Variants in PTPN9 observed in about 807,000 individuals in gnomAD.
PTPN9 encodes the protein protein tyrosine phosphatase non-receptor type 9, also known as tyrosine-protein phosphatase non-receptor type 9.
Under a neutral mutation model 69.8 loss-of-function variants are expected in PTPN9, and 26 were observed. The ratio of observed to expected loss-of-function variants is 0.37; its 90% CI spans 0.27 to 0.52. PTPN9 has a LOEUF of 0.52. Ranked by LOEUF, PTPN9 falls within the 20% of genes least tolerant of loss-of-function variation. The probability of loss-of-function intolerance (pLI) is 0.91; values close to 1 mark genes in which losing one functional copy is unlikely to be tolerated. For synonymous variants in PTPN9, 274 were observed against 272.5 expected (o/e 1.01, Z -0.05); for missense variants, 549 against 740.3 (o/e 0.74, Z 3.00).
Position 75,562,791 on chromosome 15 carries a change from CAAAAAAAAAAAAAAA to C in PTPN9, c.63+15908_63+15922del, listed in dbSNP as rs60164759. 6.2e-5 allele frequency among the ~76,000 whole-genome samples: 5 copies of C among 80,056 alleles called. No homozygotes were observed. In the South Asian group the frequency reaches 1.5e-3, roughly 24 times the overall value. The allele number at this position is 80,056 out of a possible 152,430, so 52.5% of individuals were successfully genotyped here. On this transcript the variant is annotated intron_variant, in intron 1 of 12. Transcript: ENST00000618819. ...CTGGATGACAGAGCGAGACTCGTTT[CAAAAAAAAAAAAAAA>C]AAAAAAAAAAGACAATCATCCTAAG...
chr15:75,490,130 G>A (rs1038356428), intron 8 of PTPN9, 78 bp downstream of exon 8: 23 of 1,152,538 alleles, frequency 2.0e-5, no homozygotes, highest in African/African-American at 3.1e-5. Context: ...TCATTCTACC[G>A]AAGTATTAGT....
chr15:75,527,179 T>G lies in PTPN9; in HGVS notation c.146A>C (p.Lys49Thr), dbSNP rs1394582559. ...VSPLSWNVAVKFLMARKFDVL... is the reference protein window; with the variant it reads ...VSPLSWNVAVTFLMARKFDVL... ...ATCAAACTTCCTTGCCATGAGGAAC[T>G]TGACAGCCACATTCCAAGACAGCGG... is the stretch of plus-strand genomic sequence containing the variant. Residue 49 changes from lysine to threonine, a missense_variant, in exon 2 of 13, where the codon AAG becomes ACG. Physicochemically the swap from Lys to Thr is moderately conservative, Grantham distance 78. This residue lies in a region of PTPN9 where 457 missense variants were observed against 661.9 expected (regional missense o/e 0.69). Transcript: ENST00000618819. 1 of 1,614,070 alleles carries G rather than the reference T, an allele frequency of 6.2e-7. No homozygotes were observed. The highest frequency in any genetic ancestry group is 2.2e-5 in the East Asian group (1 of 44,900).
intron 7 of PTPN9, among the ~76,000 whole-genome samples, chr15:75,499,102 G>T (rs2074759202): frequency 6.6e-6 from 1 of 152,142 alleles, no homozygotes. Context: ...AGAGAAAAGG[G>T]AAAGAAAGTC....
At chr15:75,480,623 A>G (rs934195179) in intron 8 of PTPN9, 47 of 1,163,944 alleles carry the variant, frequency 4.0e-5, no homozygotes, top group African/African-American at 5.0e-5. Flanking sequence ...GAGCCGGGAC[A>G]GTCGCGGCGC....
chr15:75,571,638 T>C (rs1180369955), intron 1 of PTPN9, among the ~76,000 whole-genome samples: 1 of 152,074 alleles, frequency 6.6e-6, no homozygotes, highest in East Asian at 1.9e-4. Context: ...GGCTCACGCT[T>C]GTAATCCCAG....
chr15:75,515,461 TTTATG>T (rs2074864951), intron 5 of PTPN9, among the ~76,000 whole-genome samples: 1 of 151,324 alleles, frequency 6.6e-6, no homozygotes, highest in South Asian at 2.1e-4. Context: ...TCTTACACTT[TTTATG>T]TATACAGAGT....
intron 1 of PTPN9, among the ~76,000 whole-genome samples, chr15:75,553,305 C>T (rs1295382711): frequency 2.0e-5 from 3 of 152,140 alleles, no homozygotes; most frequent in Non-Finnish European, 2.9e-5. Flanking sequence ...CAACAGCTTG[C>T]TAAGACTGCC....
chr15:75,469,945 C>A lies in PTPN9; in HGVS notation c.1414G>T (p.Gly472Cys). ...HFQFLSWPDYGVPSSAASLID... is the reference protein window; with the variant it reads ...HFQFLSWPDYCVPSSAASLID... The stretch of plus-strand genomic sequence containing the variant: ...AGGGAAGCTGCTGAGGAAGGGACAC[C>A]ATAGTCTGGCCAGCTCAAGAACTGG... Residue 472 changes from glycine (G) to cysteine (C), a missense_variant, in exon 12 of 13, where the codon GGT (glycine) becomes TGT (cysteine). Coordinates refer to ENST00000618819, the MANE Select transcript of PTPN9 (RefSeq NM_002833.4). 2 of 1,614,152 alleles carry A rather than the reference C, an allele frequency of 1.2e-6. No homozygotes were observed. The highest frequency in any genetic ancestry group is 1.7e-6 in the Non-Finnish European group (2 of 1,179,986).
intron 4 of PTPN9, among the ~76,000 whole-genome samples, chr15:75,518,234 G>A (rs1017691884): frequency 1.3e-5 from 2 of 151,986 alleles, no homozygotes; most frequent in Non-Finnish European, 2.9e-5. Flanking sequence ...AGCTACTTGG[G>A]AGGCTCAGGT....
chr15:75,533,571 G>A (rs573641072), intron 1 of PTPN9, among the ~76,000 whole-genome samples: 1 of 152,146 alleles, frequency 6.6e-6, no homozygotes, highest in East Asian at 1.9e-4. Context: ...TCAAGGGTAA[G>A]ATTTGTTCCT....
chr15:75,531,595 TC>T (rs1444128061), intron 1 of PTPN9, among the ~76,000 whole-genome samples: 1 of 151,842 alleles, frequency 6.6e-6, no homozygotes, highest in East Asian at 1.9e-4. Flanking sequence ...TTTTTTTTTT[TC>T]TTTTGAGACA....
At chr15:75,492,611 A>C (rs1407987041) in intron 7 of PTPN9, among the ~76,000 whole-genome samples, 4 of 152,252 alleles carry the variant, frequency 2.6e-5, no homozygotes, top group Non-Finnish European at 5.9e-5. Flanking sequence ...TGGATAAAGT[A>C]AACAGCATCA....
chr15:75,483,099 C>T (rs2074653566), intron 8 of PTPN9, among the ~76,000 whole-genome samples: 1 of 152,172 alleles, frequency 6.6e-6, no homozygotes, highest in Non-Finnish European at 1.5e-5. Flanking sequence ...CTGAAACCCT[C>T]ATACATGTGT....
At chr15:75,526,831 AG>A (rs2074930080) in intron 2 of PTPN9, among the ~76,000 whole-genome samples, 1 of 152,184 alleles carries the variant, frequency 6.6e-6, no homozygotes. Flanking sequence ...AACTCTAGGA[AG>A]GGTGAACCCC....
intron 1 of PTPN9, among the ~76,000 whole-genome samples, chr15:75,532,558 A>T (rs1046875874): frequency 3.3e-5 from 5 of 152,184 alleles, no homozygotes; most frequent in Non-Finnish European, 4.4e-5. Flanking sequence ...GTAGCTCCCA[A>T]GAGCTGTTGC....
At position 75,468,633 on chromosome 15, in the gene PTPN9, G is replaced by T. The variant is rs569651376; in HGVS notation, c.*136C>A. The T allele has an allele frequency of 1.3e-6, 1 of 741,856 alleles. No individual in the cohort carries two copies. Among genetic ancestry groups the T allele is most frequent in the Non-Finnish European group, 2.3e-6 (1 of 440,340 alleles). 46.0% of individuals were successfully genotyped at this position (741,856 alleles called of 1,614,324 possible). A position where few individuals can be genotyped will look rare whatever the true frequency, so the allele number is the denominator to read the frequency against. On this transcript the variant is annotated 3_prime_UTR_variant, in exon 13 of 13. Transcript: ENST00000618819. ...TAGCCAAAGGGAAAGGCTGCCTTGCGTGCACACGTGTGCTGGGAGACACAA... is the reference window on the plus strand; with the variant it reads ...TAGCCAAAGGGAAAGGCTGCCTTGCTTGCACACGTGTGCTGGGAGACACAA...
intron 1 of PTPN9, among the ~76,000 whole-genome samples, chr15:75,562,664 T>C (rs2075109209): frequency 6.6e-6 from 1 of 151,854 alleles, no homozygotes; most frequent in Admixed American, 6.6e-5. Context: ...ACCCCATCTC[T>C]ACTAAAAAAT....
chr15:75,517,238 G>A (rs868351814), intron 5 of PTPN9, 21 bp downstream of exon 5: 2 of 1,553,014 alleles, frequency 1.3e-6, no homozygotes, highest in African/African-American at 1.4e-5. Context: ...GGAAACTTGA[G>A]AGGGCCCTCC....
intron 5 of PTPN9, among the ~76,000 whole-genome samples, chr15:75,513,790 A>G (rs2074854904): frequency 1.3e-5 from 2 of 151,854 alleles, no homozygotes; most frequent in African/African-American, 4.8e-5. Context: ...AACAAAAAAG[A>G]ATCAGTCTTT....
Sources: allele counts gnomAD v4.1 joint callset (sites outside exome capture counted in the v4.1 genomes callset), GRCh38; gene constraint gnomAD v4.1.1; regional missense constraint gnomAD v4.1.1; transcripts MANE v1.5; gene names NCBI Gene and HGNC (gene_info 2026-07-23, HGNC 2026-07-21).